The following ARHGEF16 variants were observed in gnomAD, a reference collection of about 807,000 sequenced individuals.
ARHGEF16 encodes Rho guanine nucleotide exchange factor 16, also known as Rho guanine exchange factor (GEF) 16.
ARHGEF16 carries 59 observed loss-of-function variants against 74.1 expected under a neutral mutation model. The observed-to-expected ratio is 0.80, with a 90% CI of 0.65 to 0.99. The LOEUF is 0.99. ARHGEF16 is among the 50% of genes least tolerant of loss of function. The probability of loss-of-function intolerance (pLI) is 0.00; values close to 1 mark genes in which losing one functional copy is unlikely to be tolerated. For missense variants in ARHGEF16, 948 were observed against 986.6 expected (o/e 0.96, Z 0.52); for synonymous variants, 415 against 412.6 (o/e 1.01, Z -0.07).
At chr1:3,475,933 T>C (rs1275387271) in intron 9 of ARHGEF16, 37 bp from the exon 10 acceptor site, 1 of 1,535,956 alleles carries the variant, frequency 6.5e-7, no homozygotes, top group South Asian at 1.2e-5. Context: ...CAGGGCCCTG[T>C]AGCACCAGCC....
In ARHGEF16 at chr1:3,476,467, G is replaced by A. The variant is rs570754038; in HGVS notation, c.1473+405G>A. Among the ~76,000 whole-genome samples the A allele has an allele frequency of 3.9e-5, 6 of 152,300 alleles. No individual in the cohort carries two copies. The South Asian group carries it at 1.2e-3, about 32-fold the overall frequency. ...CAGGGCCTGAGGACAGAGCGGAGGG[G>A]ACAGGGTGATTTCAGGGCCAGCCCA... On this transcript the variant is annotated intron_variant, in intron 10 of 14. Transcript: ENST00000378378.
chr1:3,473,385 T>C lies in ARHGEF16; in HGVS notation c.1176-8T>C. The C allele has an allele frequency of 6.2e-7, 1 of 1,601,508 alleles. No individual in the cohort carries two copies. The highest frequency in any genetic ancestry group is 8.5e-7 in the Non-Finnish European group (1 of 1,173,314). On this transcript the variant is annotated splice_region_variant and splice_polypyrimidine_tract_variant and intron_variant, in intron 7 of 14. Transcript: ENST00000378378. Reference sequence around the variant, plus strand: ...AGAGCCTGGAAGGACAGCCTTGTCCTCTTGCAGAAGCAGCAACGCCGCCTT... The same window carrying C: ...AGAGCCTGGAAGGACAGCCTTGTCCCCTTGCAGAAGCAGCAACGCCGCCTT...
rs1639959906 is a variant in ARHGEF16, at chr1:3,478,511, GGGC to G, written c.1717_1719del (p.Gly573del). ...AGCCGTCTGAGCTCCCTCTGCCCGG[GGGC>G]GGCAACCGTAGCTCCTCCGTGCCCC... On this transcript the variant is annotated inframe_deletion, in exon 12 of 15. Transcript: ENST00000378378. 6 of 1,612,542 alleles carry G rather than the reference GGGC, an allele frequency of 3.7e-6. No individual in the cohort carries two copies. Among genetic ancestry groups the G allele is most frequent in the Non-Finnish European group, 5.1e-6 (6 of 1,179,864 alleles).
chr1:3,471,422 T>C (rs1052731812), intron 6 of ARHGEF16, among the ~76,000 whole-genome samples: 1 of 151,922 alleles, frequency 6.6e-6, no homozygotes, highest in African/African-American at 2.4e-5. Flanking sequence ...TGCGGAACTT[T>C]GGGGCCCTGA....
intron 6 of ARHGEF16, among the ~76,000 whole-genome samples, chr1:3,470,451 G>A (rs1417999382): frequency 2.0e-5 from 3 of 150,800 alleles, no homozygotes; most frequent in Non-Finnish European, 4.4e-5. Context: ...ATGCATGGTT[G>A]TGTGTGCGCG....
chr1:3,463,394 C>T lies in ARHGEF16; in HGVS notation c.310C>T (p.Arg104Cys), dbSNP rs1319134023. Residue 104 changes from arginine (R) to cysteine (C), a missense_variant, in exon 2 of 15, where the codon CGC becomes TGC. Transcript: ENST00000378378. ...AVASKAKTPA[R>C]HQSFGAAVLS... ...GGCCAGCAAGGCAAAGACCCCAGCC[C>T]GCCACCAGAGCTTCGGGGCGGCTGT... The T allele has an allele frequency of 9.7e-6, 15 of 1,550,208 alleles. No homozygotes were observed. Among genetic ancestry groups the T allele is most frequent in the Non-Finnish European group, 1.3e-5 (15 of 1,146,882 alleles).
Position 3,473,150 on chromosome 1 carries a change from G to A in ARHGEF16, c.1095G>A (p.Glu365=). 6.2e-7 allele frequency: 1 copy of A among 1,613,304 alleles called. No homozygotes were observed. The highest frequency in any genetic ancestry group is 2.2e-5 in the East Asian group (1 of 44,888). The change falls in exon 7 of 15, where the codon GAG becomes GAA. Residue 365 remains glutamate (E), a synonymous_variant. Coordinates refer to ENST00000378378, the MANE Select transcript of ARHGEF16 (RefSeq NM_014448.4). ...LVEDISDILE[E]HAEKHFHPYI... Reference sequence around the variant, plus strand: ...AGGACATCAGTGACATCCTGGAGGAGCACGCTGAGAAGCACTTCCACCCCT... The same window carrying A: ...AGGACATCAGTGACATCCTGGAGGAACACGCTGAGAAGCACTTCCACCCCT...
intron 1 of ARHGEF16, among the ~76,000 whole-genome samples, chr1:3,458,919 A>C (rs1228025886): frequency 6.6e-6 from 1 of 152,264 alleles, no homozygotes; most frequent in Admixed American, 6.5e-5. Flanking sequence ...ACCAGGGGCC[A>C]ATAAGAAGTC....
At chr1:3,470,923 G>A (rs1569861946) in intron 6 of ARHGEF16, among the ~76,000 whole-genome samples, 1 of 132,096 alleles carries the variant, frequency 7.6e-6, no homozygotes, top group East Asian at 2.5e-4. Context: ...TGTGTGGGCA[G>A]GGGTGTGTGT....
intron 1 of ARHGEF16, among the ~76,000 whole-genome samples, chr1:3,458,884 C>CT (rs1327285332): frequency 2.0e-5 from 3 of 152,152 alleles, no homozygotes; most frequent in Admixed American, 2.0e-4. Flanking sequence ...GCAGAGGGCT[C>CT]TTTGAGGATA....
chr1:3,467,065 C>A, intron 3 of ARHGEF16, 103 bp from the exon 4 acceptor site: 1 of 1,257,848 alleles, frequency 8.0e-7, no homozygotes, highest in South Asian at 1.5e-5. Flanking sequence ...TCCCACACAG[C>A]CGTGAGAGCC....
intron 10 of ARHGEF16, among the ~76,000 whole-genome samples, chr1:3,477,665 T>C (rs1225487191): frequency 6.6e-6 from 1 of 150,772 alleles, no homozygotes; most frequent in Non-Finnish European, 1.5e-5. Flanking sequence ...TGGTCCGGCC[T>C]GGCGCACCTC....
chr1:3,460,243 C>T (rs927523246), intron 1 of ARHGEF16, among the ~76,000 whole-genome samples: 3 of 152,158 alleles, frequency 2.0e-5, no homozygotes, highest in Non-Finnish European at 4.4e-5. Flanking sequence ...GACAGGTTCC[C>T]GTTTGGGCGC....
Position 3,469,304 on chromosome 1 carries a change from G to C in ARHGEF16, c.862-129G>C. ...GCCATTCTGACAGCCCCATCCAGGG[G>C]TGTGTCTGGGGTTCCTGTCCCCACC... is the stretch of plus-strand genomic sequence containing the variant. On this transcript the variant is annotated intron_variant, in intron 5 of 14. Transcript: ENST00000378378. 3 of 1,060,380 alleles carry C rather than the reference G, an allele frequency of 2.8e-6. No individual in the cohort carries two copies. The South Asian group carries it at 4.7e-5, about 16-fold the overall frequency. The allele number at this position is 1,060,380 out of a possible 1,614,324, so 65.7% of individuals were successfully genotyped here. A position where few individuals can be genotyped will look rare whatever the true frequency, so the allele number is the denominator to read the frequency against.
At chr1:3,472,610 C>T (rs1569865850) in intron 6 of ARHGEF16, among the ~76,000 whole-genome samples, 1 of 152,242 alleles carries the variant, frequency 6.6e-6, no homozygotes, top group African/African-American at 2.4e-5. Context: ...GTGCCTGTCC[C>T]CTGAGTCTCC....
At chr1:3,457,062 A>T (rs1194907017) in intron 1 of ARHGEF16, among the ~76,000 whole-genome samples, 1 of 152,230 alleles carries the variant, frequency 6.6e-6, no homozygotes, top group African/African-American at 2.4e-5. Context: ...GTGTCCCCAG[A>T]CGTTGGCAAA....
intron 6 of ARHGEF16, among the ~76,000 whole-genome samples, chr1:3,470,808 A>C (rs1482224979): frequency 1.0e-5 from 1 of 96,680 alleles, no homozygotes; most frequent in Non-Finnish European, 2.1e-5. Flanking sequence ...GCATGGGTGT[A>C]TGTGCATGGA....
In ARHGEF16 at chr1:3,469,608, C is replaced by T. The variant is rs769160079; in HGVS notation, c.1022+15C>T. On this transcript the variant is annotated intron_variant, in intron 6 of 14. Coordinates refer to ENST00000378378, the MANE Select transcript of ARHGEF16 (RefSeq NM_014448.4). ...GCCAGTCAGAGGTGAGGCCACGCCA[C>T]AGCCTTCCACACAGGGTCCTCTGCC... 10 of 1,612,222 alleles carry T rather than the reference C, an allele frequency of 6.2e-6. No homozygotes were observed. The Admixed American group carries it at 6.7e-5, about 11-fold the overall frequency.
intron 1 of ARHGEF16, 87 bp from the exon 2 acceptor site, chr1:3,462,979 A>G (rs951322317): frequency 4.3e-5 from 40 of 931,610 alleles, no homozygotes; most frequent in Non-Finnish European, 4.5e-5. Context: ...AGCCCCGGCC[A>G]GACATATGCA....
Sources: allele counts gnomAD v4.1 joint callset (sites outside exome capture counted in the v4.1 genomes callset), GRCh38; gene constraint gnomAD v4.1.1; transcripts MANE v1.5; gene names NCBI Gene and HGNC (gene_info 2026-07-23, HGNC 2026-07-21).